Variants in SPTA1 observed in about 807,000 individuals in gnomAD.
SPTA1 encodes the protein spectrin alpha chain, erythrocytic 1.
SPTA1 carries 177 observed loss-of-function variants against 324.7 expected under a neutral mutation model. The ratio of observed to expected loss-of-function variants is 0.55; its 90% CI spans 0.48 to 0.62. SPTA1 has a LOEUF of 0.62. SPTA1 is among the 20% of genes least tolerant of loss of function. The pLI is 0.00. For synonymous variants in SPTA1, 1,195 were observed against 1,041.3 expected (o/e 1.15, Z -2.84); for missense variants, 3,162 against 2,883.6 (o/e 1.10, Z -2.21).
Position 158,671,266 on chromosome 1 carries a change from C to T in SPTA1, c.1599+77G>A, listed in dbSNP as rs531315791. ...ATGTCTGGTAGTTACAGGAGCAATG[C>T]TGTCTGGGGACAGGTATTGTGTAAA... On this transcript the variant is annotated intron_variant, in intron 12 of 51. Coordinates refer to ENST00000643759, the MANE Select transcript of SPTA1 (RefSeq NM_003126.4). The T allele has an allele frequency of 8.5e-5, 86 of 1,011,446 alleles. No homozygotes were observed. In the Middle Eastern group the frequency reaches 8.8e-4, roughly 10 times the overall value. 62.7% of individuals were successfully genotyped at this position (1,011,446 alleles called of 1,614,324 possible). A position where few individuals can be genotyped will look rare whatever the true frequency, so the allele number is the denominator to read the frequency against.
chr1:158,654,800 G>C, intron 20 of SPTA1, 52 bp from the exon 21 acceptor site: 1 of 1,608,344 alleles, frequency 6.2e-7, no homozygotes, highest in Non-Finnish European at 8.5e-7. Flanking sequence ...ATATCTCCCT[G>C]TACAGCTTAC....
At chr1:158,653,497 T>A in intron 21 of SPTA1, 72 bp from the exon 22 acceptor site, 1 of 1,586,676 alleles carries the variant, frequency 6.3e-7, no homozygotes, top group Non-Finnish European at 8.6e-7. Context: ...ACTTCAACAC[T>A]AAGTCTCTTG....
intron 38 of SPTA1, 63 bp from the exon 39 acceptor site, chr1:158,634,738 T>G (rs1321601005): frequency 6.3e-7 from 1 of 1,599,444 alleles, no homozygotes. Flanking sequence ...GGGAGTACAG[T>G]GGGGTGGCAC....
At chr1:158,676,799 C>A (rs59577038) in intron 7 of SPTA1, among the ~76,000 whole-genome samples, 6,079 of 152,176 alleles carry the variant, frequency 0.04, 395 homozygotes, top group African/African-American at 0.14. Context: ...GTTACTAGGG[C>A]AAAATGTGGA....
chr1:158,686,565 G>GAGAA lies in SPTA1; in HGVS notation c.-49_-48insTTCT. 7.0e-7 allele frequency: 1 copy of GAGAA among 1,430,448 alleles called. No individual in the cohort carries two copies. Among genetic ancestry groups the GAGAA allele is most frequent in the Non-Finnish European group, 9.9e-7 (1 of 1,014,154 alleles). 88.6% of individuals were successfully genotyped at this position (1,430,448 alleles called of 1,614,324 possible). ...GGCAAGATAAAATGTGTCAGAGAGA[G>GAGAA]AGAGAGAGAGAAATAATTCAAATGG... is the stretch of plus-strand genomic sequence containing the variant. On this transcript the variant is annotated 5_prime_UTR_variant, in exon 1 of 52. It introduces an in-frame stop codon into an upstream open reading frame of the 5' UTR. Transcript: ENST00000643759.
chr1:158,623,030 C>T lies in SPTA1; in HGVS notation c.6073G>A (p.Ala2025Thr), dbSNP rs372466475. 2 of 1,614,176 alleles carry T rather than the reference C, an allele frequency of 1.2e-6. No individual in the cohort carries two copies. The highest frequency in any genetic ancestry group is 1.7e-6 in the Non-Finnish European group (2 of 1,180,020). Residue 2025 changes from alanine (A) to threonine (T), a missense_variant, in exon 43 of 52, where the codon GCA (alanine) becomes ACA (threonine). Ala to Thr is a moderately conservative substitution (Grantham distance 58, BLOSUM62 0). Transcript: ENST00000643759. ...KRWEQLLEAS[A>T]VHRQKLLEKQ... is the part of the protein sequence containing the mutation. ...TCCAGCAATTTCTGTCTGTGGACTGCCGAGGCTTCCAGCAACTGTTCCCAG... is the reference window on the plus strand; with the variant it reads ...TCCAGCAATTTCTGTCTGTGGACTGTCGAGGCTTCCAGCAACTGTTCCCAG...
chr1:158,679,999 G>A (rs939026995), intron 5 of SPTA1, among the ~76,000 whole-genome samples: 1 of 151,982 alleles, frequency 6.6e-6, no homozygotes, highest in Admixed American at 6.6e-5. Flanking sequence ...GCAAAATATA[G>A]CCAACTGTTG....
At chr1:158,675,761 A>AGAT (rs1654351767) in intron 8 of SPTA1, among the ~76,000 whole-genome samples, 1 of 152,340 alleles carries the variant, frequency 6.6e-6, no homozygotes, top group East Asian at 1.9e-4. Context: ...ACGAGTGAGT[A>AGAT]GATATACAGC....
intron 4 of SPTA1, 46 bp downstream of exon 4, chr1:158,681,481 C>G (rs1486071284): frequency 6.2e-7 from 1 of 1,613,004 alleles, no homozygotes; most frequent in Non-Finnish European, 8.5e-7. Flanking sequence ...GTACCTGGGA[C>G]AGAGGAGTGG....
Position 158,617,407 on chromosome 1 carries a change from T to G in SPTA1, c.6600+130A>C, listed in dbSNP as rs964828553. 1.1e-5 allele frequency: 8 copies of G among 736,800 alleles called. No homozygotes were observed. In the African/African-American group the frequency reaches 1.4e-4, roughly 13 times the overall value. 45.6% of individuals were successfully genotyped at this position (736,800 alleles called of 1,614,324 possible). On this transcript the variant is annotated intron_variant, in intron 47 of 51. Coordinates refer to ENST00000643759, the MANE Select transcript of SPTA1 (RefSeq NM_003126.4). Reference sequence around the variant, plus strand: ...ACTGAGGTTTATATTCATGATGTGATGGCCTATGGTTAAAATGGACTTCAG... The same window carrying G: ...ACTGAGGTTTATATTCATGATGTGAGGGCCTATGGTTAAAATGGACTTCAG...
intron 40 of SPTA1, 101 bp from the exon 41 acceptor site, chr1:158,627,108 T>C (rs973424072): frequency 6.8e-7 from 1 of 1,468,618 alleles, no homozygotes; most frequent in Non-Finnish European, 9.4e-7. Context: ...ATTTCAAATA[T>C]ATAACCAAGT....
intron 16 of SPTA1, among the ~76,000 whole-genome samples, chr1:158,665,229 A>T (rs7553970): frequency 0.077 from 11,706 of 152,016 alleles, 1,545 homozygotes; most frequent in African/African-American, 0.27. Context: ...ATACCCTTCC[A>T]TCCTTTGAAA....
intron 39 of SPTA1, among the ~76,000 whole-genome samples, chr1:158,633,587 G>A (rs1650837126): frequency 6.6e-6 from 1 of 150,842 alleles, no homozygotes; most frequent in African/African-American, 2.4e-5. Context: ...CATGAACCCG[G>A]GAGGCAGAGC....
At position 158,653,400 on chromosome 1, in the gene SPTA1, T is replaced by A. The variant is rs200511900; in HGVS notation, c.3062A>T (p.Asp1021Val). The change falls in exon 22 of 52, where the codon GAT (aspartate) becomes GTT (valine). Residue 1021 changes from aspartate (D) to valine (V), a missense_variant. Coordinates refer to ENST00000643759, the MANE Select transcript of SPTA1 (RefSeq NM_003126.4). Reference sequence around the variant, plus strand: ...GACAGCTGGGACAATGCCCTGATGATCAGCAGCTTCCACCTTCCACCAGTC... The same window carrying A: ...GACAGCTGGGACAATGCCCTGATGAACAGCAGCTTCCACCTTCCACCAGTC... ...NKDWWKVEAA[D>V]HQGIVPAVYV... 319 of 1,614,062 alleles carry A rather than the reference T, an allele frequency of 2.0e-4. 1 individual carries two copies. In the African/African-American group the frequency reaches 3.8e-3, roughly 19 times the overall value.
rs74714820 is a variant in SPTA1, at chr1:158,654,851, C to T, written c.2899-103G>A. The T allele has an allele frequency of 2.1e-3, 3,150 of 1,527,916 alleles. 54 individuals are homozygous for T. The African/African-American group carries it at 0.038, about 18-fold the overall frequency. The allele number at this position is 1,527,916 out of a possible 1,614,324, so 94.6% of individuals were successfully genotyped here. A position where few individuals can be genotyped will look rare whatever the true frequency, so the allele number is the denominator to read the frequency against. ...CTTTAGGCTTCCCAGGAGAAAAGAG[C>T]CTCTGGCTGGAACCTCTTACGTGGC... On this transcript the variant is annotated intron_variant, in intron 20 of 51. Transcript: ENST00000643759.
chr1:158,636,098 C>G, intron 37 of SPTA1, 64 bp from the exon 38 acceptor site: 1 of 1,613,708 alleles, frequency 6.2e-7, no homozygotes, highest in Admixed American at 1.7e-5. Flanking sequence ...GCCATAGTCC[C>G]TGAGCAAAGT....
At chr1:158,650,488 A>C (rs766424801) in intron 24 of SPTA1, among the ~76,000 whole-genome samples, 3 of 152,154 alleles carry the variant, frequency 2.0e-5, no homozygotes, top group Non-Finnish European at 2.9e-5. Flanking sequence ...TGTTCATTAG[A>C]TCTTTTATGG....
rs754352616 is a variant in SPTA1 at position 158,666,398 on chromosome 1, T to C, written c.2138A>G (p.Glu713Gly). 2 of 1,613,728 alleles carry C rather than the reference T, an allele frequency of 1.2e-6. No individual in the cohort carries two copies. Among genetic ancestry groups the C allele is most frequent in the African/African-American group, 2.7e-5 (2 of 74,868 alleles). Residue 713 changes from glutamate to glycine, a missense_variant, in exon 16 of 52, where the codon GAG (glutamate) becomes GGG (glycine). Transcript: ENST00000643759. ...CTCGGCCAGGCCTTTCCCATAATCCTCAGAGGTGACTTGCCACTCAACATC... is the reference window on the plus strand; with the variant it reads ...CTCGGCCAGGCCTTTCCCATAATCCCCAGAGGTGACTTGCCACTCAACATC... ...LEDVEWQVTS[E>G]DYGKGLAEVQ...
chr1:158,685,090 T>A lies in SPTA1; in HGVS notation c.264+18A>T. 6.2e-7 allele frequency: 1 copy of A among 1,613,576 alleles called. No individual in the cohort carries two copies. Among genetic ancestry groups the A allele is most frequent in the South Asian group, 1.1e-5 (1 of 91,078 alleles). ...GATCTTAGGGTCTGCTCTGAGGCAA[T>A]CAAGAGAACTGAGTGACCTGTATAT... On this transcript the variant is annotated intron_variant, in intron 2 of 51. Coordinates refer to ENST00000643759, the MANE Select transcript of SPTA1 (RefSeq NM_003126.4).
Sources: gnomAD v4.1 joint callset for allele counts (sites outside exome capture counted in the v4.1 genomes callset) on GRCh38, gnomAD v4.1.1 for gene constraint, MANE v1.5 for transcripts, NCBI Gene and HGNC (gene_info 2026-07-23, HGNC 2026-07-21) for gene names.